PRICKLE1: variants seen among roughly 807,000 people sequenced by gnomAD.
PRICKLE1 encodes the protein prickle-like protein 1.
In PRICKLE1, 14 loss-of-function variants were observed where a neutral mutation model predicts 70.2. The ratio of observed to expected loss-of-function variants is 0.20; its 90% CI spans 0.13 to 0.31. The LOEUF (loss-of-function observed/expected upper bound fraction) is 0.31. PRICKLE1 is among the 10% of genes least tolerant of loss of function. The pLI is 1.00. For synonymous variants in PRICKLE1, 357 were observed against 379.9 expected, an observed-to-expected ratio of 0.94 and a Z score of 0.70; for missense variants, 821 against 1,026.2, an observed-to-expected ratio of 0.80 and a Z score of 2.73.
At chr12:42,490,477 C>G (rs1939079237) in intron 1 of PRICKLE1, among the ~76,000 whole-genome samples, 1 of 152,200 alleles carries the variant, frequency 6.6e-6, no homozygotes, top group Non-Finnish European at 1.5e-5. Flanking sequence ...GCCACAGAAG[C>G]TTAAGCAGAG....
intron 1 of PRICKLE1, among the ~76,000 whole-genome samples, chr12:42,533,567 A>G (rs1009529765): frequency 6.6e-6 from 1 of 152,188 alleles, no homozygotes; most frequent in African/African-American, 2.4e-5. Context: ...CCATTTGTTA[A>G]GTCTAGACAA....
Position 42,464,847 on chromosome 12 carries a change from C to G in PRICKLE1, c.1187G>C (p.Arg396Thr). The change falls in exon 7 of 8, where the codon AGA becomes ACA. Residue 396 changes from arginine (R) to threonine (T), a missense_variant. Coordinates refer to ENST00000345127, the MANE Select transcript of PRICKLE1 (RefSeq NM_153026.3). This position sits in a 1 kb window ranked among gnomAD's most constrained non-coding sequence, Gnocchi z 4.2. ...SFASEEFWKG[R>T]VEQETPEDPE... ...GTCTTCTGGAGTTTCCTGCTCTACT[C>G]TGCCTTTCCAAAATTCTTCACTGGC... 6.2e-7 allele frequency: 1 copy of G among 1,614,142 alleles called. No individual in the cohort carries two copies. Among genetic ancestry groups the G allele is most frequent in the Non-Finnish European group, 8.5e-7 (1 of 1,180,038 alleles).
chr12:42,499,508 C>T (rs960411141), intron 1 of PRICKLE1, among the ~76,000 whole-genome samples: 5 of 151,536 alleles, frequency 3.3e-5, no homozygotes, highest in African/African-American at 9.7e-5. Flanking sequence ...GTAGCCTCCA[C>T]CTCCCAGGTT....
At chr12:42,516,015 G>C (rs2120432719) in intron 1 of PRICKLE1, among the ~76,000 whole-genome samples, 1 of 152,152 alleles carries the variant, frequency 6.6e-6, no homozygotes, top group East Asian at 1.9e-4. Context: ...CCCTGGACTG[G>C]ACTTCAAATT....
At chr12:42,567,090 C>T (rs1566129850) in intron 1 of PRICKLE1, among the ~76,000 whole-genome samples, 1 of 152,150 alleles carries the variant, frequency 6.6e-6, no homozygotes, top group Admixed American at 6.5e-5. Flanking sequence ...GCAGATTGAG[C>T]CATTGTACCC....
chr12:42,478,380 A>G (rs1416626338), intron 1 of PRICKLE1, among the ~76,000 whole-genome samples: 1 of 152,220 alleles, frequency 6.6e-6, no homozygotes, highest in African/African-American at 2.4e-5. Context: ...GAATGTAAAT[A>G]AACCTCATAA....
At chr12:42,476,087 C>T (rs1253930798) in intron 1 of PRICKLE1, among the ~76,000 whole-genome samples, 1 of 115,754 alleles carries the variant, frequency 8.6e-6, no homozygotes, top group East Asian at 2.6e-4. Context: ...AGCAAAACTC[C>T]GTCTCAAAAA....
At position 42,562,917 on chromosome 12, in the gene PRICKLE1, C is replaced by T. The variant is rs570449340; in HGVS notation, c.-49+26548G>A. On this transcript the variant is annotated intron_variant, in intron 1 of 7. Coordinates refer to ENST00000345127, the MANE Select transcript of PRICKLE1 (RefSeq NM_153026.3). ...TAAATTGTGATCAGGGGGCCGGGTG[C>T]GGTGGCTCACACCTGTAATCTCAGC... 1.4e-4 allele frequency among the ~76,000 whole-genome samples: 22 copies of T among 152,178 alleles called. No individual in the cohort carries two copies. In the South Asian group the frequency reaches 4.4e-3, roughly 30 times the overall value.
chr12:42,513,151 G>C lies in PRICKLE1; in HGVS notation c.-48-40587C>G, dbSNP rs1045557021. On this transcript the variant is annotated intron_variant, in intron 1 of 7. Transcript: ENST00000345127. ...TAATTTTTGTATTTTTAGTAGAAAGGGGGTTTCACCATGTTGGTCAGGCTG... is the reference window on the plus strand; with the variant it reads ...TAATTTTTGTATTTTTAGTAGAAAGCGGGTTTCACCATGTTGGTCAGGCTG... Among the ~76,000 whole-genome samples the C allele has an allele frequency of 2.0e-5, 3 of 151,914 alleles. No homozygotes were observed. In the East Asian group the frequency reaches 5.8e-4, roughly 29 times the overall value.
intron 1 of PRICKLE1, among the ~76,000 whole-genome samples, chr12:42,568,472 GC>G (rs1460356588): frequency 1.2e-4 from 19 of 152,340 alleles, no homozygotes; most frequent in Non-Finnish European, 1.5e-5. Flanking sequence ...ACCATGCCCA[GC>G]CCGCATTATT....
intron 1 of PRICKLE1, among the ~76,000 whole-genome samples, chr12:42,523,251 G>A (rs1939744634): frequency 6.6e-6 from 1 of 152,210 alleles, no homozygotes; most frequent in South Asian, 2.1e-4. Flanking sequence ...ACAGGCGTAA[G>A]CCACCGCGTC....
intron 1 of PRICKLE1, among the ~76,000 whole-genome samples, chr12:42,480,603 G>A (rs766302712): frequency 2.0e-5 from 3 of 152,156 alleles, no homozygotes; most frequent in Non-Finnish European, 4.4e-5. Context: ...ATTTTCTACT[G>A]GTCTGTATGC....
chr12:42,491,884 A>C (rs1398597021), intron 1 of PRICKLE1, among the ~76,000 whole-genome samples: 1 of 149,870 alleles, frequency 6.7e-6, no homozygotes, highest in Non-Finnish European at 1.5e-5. Flanking sequence ...CCCGGGTTCA[A>C]GTGATTCTCC....
intron 1 of PRICKLE1, among the ~76,000 whole-genome samples, chr12:42,586,504 C>T (rs897836056): frequency 1.3e-5 from 2 of 151,964 alleles, no homozygotes; most frequent in Admixed American, 6.6e-5. Context: ...CCAAGCACCA[C>T]TACATGTAGC....
chr12:42,542,224 T>C (rs1407257421), intron 1 of PRICKLE1, among the ~76,000 whole-genome samples: 5 of 152,006 alleles, frequency 3.3e-5, no homozygotes, highest in South Asian at 2.1e-4. Context: ...CACCAAGATA[T>C]GGCTTGTGTG....
At chr12:42,466,445 G>T in intron 5 of PRICKLE1, 65 bp from the exon 6 acceptor site, 1 of 1,428,384 alleles carries the variant, frequency 7.0e-7, no homozygotes, top group Non-Finnish European at 9.8e-7. Flanking sequence ...TAAAGGCCAA[G>T]TAACTGCATG....
intron 1 of PRICKLE1, among the ~76,000 whole-genome samples, chr12:42,558,035 C>T (rs1227784098): frequency 6.6e-6 from 1 of 152,114 alleles, no homozygotes; most frequent in Non-Finnish European, 1.5e-5. Context: ...AATCAGGCTT[C>T]CGAGTAAGTC....
intron 1 of PRICKLE1, among the ~76,000 whole-genome samples, chr12:42,497,281 C>T (rs923352562): frequency 1.4e-4 from 22 of 152,060 alleles, no homozygotes; most frequent in African/African-American, 2.4e-5. Flanking sequence ...CGTGGTGGCT[C>T]ACGCCTGTAA....
At chr12:42,568,998 T>C (rs901415276) in intron 1 of PRICKLE1, among the ~76,000 whole-genome samples, 1 of 152,206 alleles carries the variant, frequency 6.6e-6, no homozygotes, top group Non-Finnish European at 1.5e-5. Flanking sequence ...CTATTTTCCA[T>C]AAAAGAATGA....
Sources: allele counts gnomAD v4.1 joint callset (sites outside exome capture counted in the v4.1 genomes callset), GRCh38; gene constraint gnomAD v4.1.1; non-coding constraint Gnocchi (gnomAD v3.1); transcripts MANE v1.5; gene names NCBI Gene and HGNC (gene_info 2026-07-23, HGNC 2026-07-21).